The following ERBIN variants were observed in gnomAD, a reference collection of about 807,000 sequenced individuals.
ERBIN encodes the protein densin-180-like protein.
In ERBIN, 60 loss-of-function variants were observed where a neutral mutation model predicts 158.4. The observed-to-expected ratio is 0.38, with a 90% CI of 0.31 to 0.47. The LOEUF is 0.47. Ranked by LOEUF, ERBIN falls within the 20% of genes least tolerant of loss-of-function variation. The pLI is 0.99. For missense variants in ERBIN, 1,610 were observed against 1,648.0 expected (o/e 0.98, Z 0.40); for synonymous variants, 594 against 557.2 (o/e 1.07, Z -0.93).
intron 4 of ERBIN, among the ~76,000 whole-genome samples, chr5:66,005,921 C>G (rs958338986): frequency 3.3e-5 from 5 of 152,148 alleles, no homozygotes; most frequent in African/African-American, 1.2e-4. Flanking sequence ...GAAGAACATT[C>G]CATGCTCATG....
At chr5:65,975,276 G>A (rs1749726941) in intron 1 of ERBIN, among the ~76,000 whole-genome samples, 1 of 152,072 alleles carries the variant, frequency 6.6e-6, no homozygotes, top group Admixed American at 6.5e-5. Context: ...CCAAAGTGCT[G>A]GGATTACATG....
chr5:66,036,822 T>C (rs1409864381), intron 14 of ERBIN, among the ~76,000 whole-genome samples: 1 of 152,332 alleles, frequency 6.6e-6, no homozygotes, highest in East Asian at 1.9e-4. Flanking sequence ...ATATGTGAAA[T>C]GAAATCGGAT....
chr5:65,945,460 A>C (rs1745627424), intron 1 of ERBIN, among the ~76,000 whole-genome samples: 1 of 152,160 alleles, frequency 6.6e-6, no homozygotes, highest in Non-Finnish European at 1.5e-5. Context: ...AAATTTGTTC[A>C]TCCAGGATGA....
At chr5:66,068,825 G>A (rs1761262471) in intron 21 of ERBIN, 4 of 1,449,186 alleles carry the variant, frequency 2.8e-6, no homozygotes, top group South Asian at 2.8e-5. Context: ...CATGTCTCGT[G>A]GATTTTGCAT....
intron 1 of ERBIN, among the ~76,000 whole-genome samples, chr5:65,958,503 C>A (rs762090333): frequency 1.3e-5 from 2 of 152,126 alleles, no homozygotes; most frequent in African/African-American, 4.8e-5. Flanking sequence ...CGCCTGCAAT[C>A]GCAGGCACTG....
chr5:65,998,557 A>G (rs962837973), intron 4 of ERBIN, among the ~76,000 whole-genome samples: 3 of 151,948 alleles, frequency 2.0e-5, no homozygotes, highest in Non-Finnish European at 4.4e-5. Context: ...ATTTTTATTT[A>G]GATTGGATTC....
At chr5:66,066,573 A>G (rs1401087754) in intron 21 of ERBIN, among the ~76,000 whole-genome samples, 1 of 152,052 alleles carries the variant, frequency 6.6e-6, no homozygotes, top group Admixed American at 6.5e-5. Flanking sequence ...GATACAAAGT[A>G]GATGTCACCT....
At chr5:65,938,052 C>T (rs1035008540) in intron 1 of ERBIN, among the ~76,000 whole-genome samples, 1 of 152,112 alleles carries the variant, frequency 6.6e-6, no homozygotes. Flanking sequence ...ATGTTTGATG[C>T]CCTTTAGTGG....
intron 1 of ERBIN, among the ~76,000 whole-genome samples, chr5:65,947,779 G>A (rs1299332774): frequency 2.0e-5 from 3 of 152,120 alleles, no homozygotes; most frequent in South Asian, 2.1e-4. Context: ...GGCCGAGGCA[G>A]GCAGATCACG....
chr5:66,076,375 G>A lies in ERBIN; in HGVS notation c.4023G>A (p.Gly1341=). ...GATTTAGCATATCAGGTGGTGTCGG[G>A]GGTAGAGGAAACCCATTCAGACCTG... The part of the protein sequence containing the change: ...ELGFSISGGV[G]GRGNPFRPDD... Residue 1341 remains glycine (G), a synonymous_variant, in exon 24 of 26, where the codon GGG becomes GGA. Coordinates refer to ENST00000284037, the MANE Select transcript of ERBIN (RefSeq NM_001253697.2). 1.9e-6 allele frequency: 3 copies of A among 1,613,504 alleles called. No homozygotes were observed. The highest frequency in any genetic ancestry group is 1.3e-5 in the African/African-American group (1 of 74,996).
intron 14 of ERBIN, among the ~76,000 whole-genome samples, chr5:66,031,947 T>A (rs867794830): frequency 7.2e-5 from 11 of 152,070 alleles, no homozygotes; most frequent in Admixed American, 2.0e-4. Flanking sequence ...TCTCAAGTGA[T>A]CTTCCCACCC....
intron 1 of ERBIN, among the ~76,000 whole-genome samples, chr5:65,947,294 A>G (rs1390232787): frequency 1.3e-5 from 2 of 152,088 alleles, no homozygotes; most frequent in Non-Finnish European, 2.9e-5. Flanking sequence ...CAGTGGTGCC[A>G]TCTTGGCTCA....
rs1181928748 is a variant in ERBIN at position 66,072,243 on chromosome 5, A to G, written c.3708A>G (p.Ser1236=). 4.5e-6 allele frequency: 7 copies of G among 1,550,492 alleles called. No homozygotes were observed. The highest frequency in any genetic ancestry group is 6.1e-6 in the Non-Finnish European group (7 of 1,146,920). Residue 1236 remains serine, a synonymous_variant, in exon 22 of 26, where the codon TCA becomes TCG. Transcript: ENST00000284037. The part of the protein sequence containing the change: ...GIFISGQQNY[S]SATLSHKDVP... ...TCATTTCAGGACAGCAGAACTACTCATCAGCCACACTTAGTCACAAAGATG... is the reference window on the plus strand; with the variant it reads ...TCATTTCAGGACAGCAGAACTACTCGTCAGCCACACTTAGTCACAAAGATG...
intron 1 of ERBIN, among the ~76,000 whole-genome samples, chr5:65,936,276 CT>C (rs749562338): frequency 5.7e-4 from 87 of 152,114 alleles, no homozygotes; most frequent in Non-Finnish European, 1.0e-3. Flanking sequence ...GTTGGTTTGA[CT>C]TTCCTCTTCC....
chr5:65,947,502 C>T (rs1375977770), intron 1 of ERBIN, among the ~76,000 whole-genome samples: 2 of 152,076 alleles, frequency 1.3e-5, no homozygotes, highest in Non-Finnish European at 2.9e-5. Flanking sequence ...TGAGGTGACA[C>T]TTAATAGGAT....
chr5:66,023,665 C>G (rs987465372), intron 9 of ERBIN, among the ~76,000 whole-genome samples: 36 of 149,042 alleles, frequency 2.4e-4, no homozygotes, highest in Non-Finnish European at 1.8e-4. Context: ...TTTTCATGAA[C>G]TTTCTGAATT....
Position 65,930,171 on chromosome 5 carries a change from C to G in ERBIN, c.-58+3365C>G, listed in dbSNP as rs185765083. 2.1e-3 allele frequency among the ~76,000 whole-genome samples: 317 copies of G among 152,238 alleles called. 1 individual carries two copies. The highest frequency in any genetic ancestry group is 7.2e-3 in the African/African-American group (299 of 41,554). ...CAAACTGTTAGTCTATGTTTATCAC[C>G]TCAAAAAACTGTTCAAAACATGCAG... On this transcript the variant is annotated intron_variant, in intron 1 of 25. Transcript: ENST00000284037.
At chr5:66,055,330 C>CA (rs1431375411) in intron 21 of ERBIN, among the ~76,000 whole-genome samples, 33 of 152,076 alleles carry the variant, frequency 2.2e-4, no homozygotes, top group Non-Finnish European at 5.9e-5. Context: ...AAGACAATAA[C>CA]AAAAAATGTA....
At chr5:65,983,971 ACCCGGGAACCACTGT>A (rs1297230559) in intron 1 of ERBIN, among the ~76,000 whole-genome samples, 1 of 152,116 alleles carries the variant, frequency 6.6e-6, no homozygotes. Flanking sequence ...GCCAGTGCAC[ACCCGGGAACCACTGT>A]CCCCCAGCCA....
Sources: allele counts gnomAD v4.1 joint callset (sites outside exome capture counted in the v4.1 genomes callset), GRCh38; gene constraint gnomAD v4.1.1; transcripts MANE v1.5; gene names NCBI Gene and HGNC (gene_info 2026-07-23, HGNC 2026-07-21).